Variants in DMWD observed in about 807,000 individuals in gnomAD.
The protein encoded by DMWD is DM1 locus, WD repeat containing, also known as dystrophia myotonica WD repeat-containing protein.
In DMWD, 19 loss-of-function variants were observed where a neutral mutation model predicts 45.8. The ratio of observed to expected loss-of-function variants is 0.41; its 90% CI spans 0.29 to 0.61. DMWD has a LOEUF of 0.61. DMWD is among the 20% of genes least tolerant of loss of function. The probability of loss-of-function intolerance (pLI) is 0.25; values close to 1 mark genes in which losing one functional copy is unlikely to be tolerated. For missense variants in DMWD, 802 were observed against 965.2 expected (o/e 0.83, Z 2.24); for synonymous variants, 515 against 440.5 (o/e 1.17, Z -2.12).
At chr19:45,790,727 G>A in intron 2 of DMWD, 178 bp downstream of exon 2, 1 of 600,962 alleles carries the variant, frequency 1.7e-6, no homozygotes. Flanking sequence ...GGGTAACACA[G>A]CACAGGGCCT....
In DMWD at chr19:45,783,966, A is replaced by G. The variant is rs754214374; in HGVS notation, c.*277T>C. ...TCTCTCCCCAGGAGTGACCAGTCAC[A>G]TGCTGGGGACAGGGATGAGGGTAAC... On this transcript the variant is annotated 3_prime_UTR_variant, in exon 5 of 5. Transcript: ENST00000270223. 1.7e-6 allele frequency: 1 copy of G among 601,402 alleles called. No homozygotes were observed. Among genetic ancestry groups the G allele is most frequent in the South Asian group, 2.0e-5 (1 of 50,710 alleles). 37.3% of individuals were successfully genotyped at this position (601,402 alleles called of 1,614,324 possible).
In DMWD at chr19:45,786,271, C is replaced by T; in HGVS notation, c.1225G>A (p.Gly409Ser). 6.2e-7 allele frequency: 1 copy of T among 1,605,878 alleles called. No individual in the cohort carries two copies. The highest frequency in any genetic ancestry group is 2.2e-5 in the East Asian group (1 of 44,658). The change falls in exon 3 of 5, where the codon GGC (glycine) becomes AGC (serine). Residue 409 changes from glycine to serine, a missense_variant. Coordinates refer to ENST00000270223, the MANE Select transcript of DMWD (RefSeq NM_004943.2). ...GGGGCGCCCCCGGCCGAGCCTGTGC[C>T]CGCAGCCTCGGGCTCCTCCTCCTCC... ...EEEEEEPEAA[G>S]TGSAGGAPLS...
At position 45,782,979 on chromosome 19, in the gene DMWD, C is replaced by T. The variant is rs1418685833; in HGVS notation, c.*1264G>A. On this transcript the variant is annotated 3_prime_UTR_variant, in exon 5 of 5. Coordinates refer to ENST00000270223, the MANE Select transcript of DMWD (RefSeq NM_004943.2). ...TAGCCCTCAGGCTCTCTGCTTTATA[C>T]CAGCTTTTTTTTTTTTTTTTTTTTT... The T allele has an allele frequency of 4.3e-5, 6 of 141,158 alleles. No homozygotes were observed. The South Asian group carries it at 6.8e-4, about 16-fold the overall frequency. The allele number at this position is 141,158 out of a possible 1,614,324, so 8.7% of individuals were successfully genotyped here.
chr19:45,786,200 G>A lies in DMWD; in HGVS notation c.1296C>T (p.Gly432=), dbSNP rs1315360748. 3 of 1,610,988 alleles carry A rather than the reference G, an allele frequency of 1.9e-6. No homozygotes were observed. The highest frequency in any genetic ancestry group is 2.5e-6 in the Non-Finnish European group (3 of 1,178,966). The change falls in exon 3 of 5, where the codon GGC becomes GGT. Residue 432 remains glycine, a synonymous_variant. Coordinates refer to ENST00000270223, the MANE Select transcript of DMWD (RefSeq NM_004943.2). ...PKAGSITYRF[G]SAGQDTQFCL... ...AGAACTGCGTGTCCTGGCCCGCCGA[G>A]CCAAAGCGGTAAGTAATGGAGCCAG...
intron 2 of DMWD, 179 bp downstream of exon 2, chr19:45,790,726 A>G (rs1970345972): frequency 1.7e-6 from 1 of 588,410 alleles, no homozygotes; most frequent in Admixed American, 3.4e-5. Flanking sequence ...AGGGTAACAC[A>G]GCACAGGGCC....
At chr19:45,784,568 G>T in intron 4 of DMWD, 73 bp downstream of exon 4, 2 of 1,610,472 alleles carry the variant, frequency 1.2e-6, no homozygotes, top group Non-Finnish European at 1.7e-6. Context: ...GGAGGGGAGG[G>T]GGAAACTGGA....
Position 45,792,729 on chromosome 19 carries a change from A to G in DMWD, c.28T>C (p.Ser10Pro), listed in dbSNP as rs1406364176. MAAGGAEGG[S>P]GPGAAMGDCA... ...TCCCCCATGGCGGCGCCGGGGCCCG[A>G]GCCGCCCTCCGCGCCGCCCGCCGCC... The change falls in exon 1 of 5, where the codon TCG (serine) becomes CCG (proline). Residue 10 changes from serine to proline, a missense_variant. Around this residue, in one of 9 missense-constraint regions of DMWD, gnomAD observed 151 missense variants for 128.1 expected, o/e 1.18. Transcript: ENST00000270223. 6 of 1,170,004 alleles carry G rather than the reference A, an allele frequency of 5.1e-6. No homozygotes were observed. The highest frequency in any genetic ancestry group is 1.6e-5 in the African/African-American group (1 of 61,484). The allele number at this position is 1,170,004 out of a possible 1,614,324, so 72.5% of individuals were successfully genotyped here.
In DMWD at chr19:45,786,345, T is replaced by C; in HGVS notation, c.1151A>G (p.Glu384Gly). 1.9e-6 allele frequency: 3 copies of C among 1,609,622 alleles called. No homozygotes were observed. The highest frequency in any genetic ancestry group is 2.5e-6 in the Non-Finnish European group (3 of 1,177,102). The stretch of plus-strand genomic sequence containing the variant: ...AGCACCGGCTGCTGTCGCCGCCTCC[T>C]CTGCCCTTGTGGTGTAGGGGTCAAA... ...VAFDPYTTRA[E>G]EAATAAGADG... is the part of the protein sequence containing the mutation. Residue 384 changes from glutamate to glycine, a missense_variant, in exon 3 of 5, where the codon GAG becomes GGG. Glu to Gly is a moderately conservative substitution (Grantham distance 98, BLOSUM62 -2). Transcript: ENST00000270223.
chr19:45,784,335 T>G (rs373114113), intron 4 of DMWD, 45 bp from the exon 5 acceptor site: 1 of 1,492,396 alleles, frequency 6.7e-7, no homozygotes, highest in South Asian at 1.4e-5. Context: ...AGAGACCACC[T>G]GGGCTTCAGC....
chr19:45,783,331 C>A lies in DMWD; in HGVS notation c.*912G>T. On this transcript the variant is annotated 3_prime_UTR_variant, in exon 5 of 5. Coordinates refer to ENST00000270223, the MANE Select transcript of DMWD (RefSeq NM_004943.2). ...TCTCCAGAGTGGAAGTCGGGGCCTC[C>A]AACCGGCCTGGGGTGCCTGGGCCTT... is the stretch of plus-strand genomic sequence containing the variant. The A allele has an allele frequency of 2.7e-6, 1 of 376,780 alleles. No homozygotes were observed. Among genetic ancestry groups the A allele is most frequent in the Non-Finnish European group, 4.7e-6 (1 of 212,676 alleles). The allele number at this position is 376,780 out of a possible 1,614,324, so 23.3% of individuals were successfully genotyped here.
chr19:45,784,448 C>T, intron 4 of DMWD, 158 bp from the exon 5 acceptor site: 2 of 1,263,316 alleles, frequency 1.6e-6, no homozygotes, highest in South Asian at 1.5e-5. Flanking sequence ...CTGCTCTAGG[C>T]TGGGAACTTG....
At chr19:45,789,132 C>G (rs1377154118) in intron 2 of DMWD, 2 of 152,194 alleles carry the variant, frequency 1.3e-5, no homozygotes, top group African/African-American at 2.4e-5. Flanking sequence ...ACTTGATTAA[C>G]TGTCTGTCTC....
Position 45,785,836 on chromosome 19 carries a change from T to C in DMWD, c.1660A>G (p.Ser554Gly). 6.2e-7 allele frequency: 1 copy of C among 1,610,838 alleles called. No individual in the cohort carries two copies. The highest frequency in any genetic ancestry group is 2.2e-5 in the East Asian group (1 of 44,874). Residue 554 changes from serine to glycine, a missense_variant, in exon 3 of 5, where the codon AGT becomes GGT. Around this residue, in one of 9 missense-constraint regions of DMWD, gnomAD observed 303 missense variants for 332.9 expected, o/e 0.91. Transcript: ENST00000270223. ...TCCCCACCACTGCCACTGCCGCCACTGCCACCCCGGCTGATGTTGCCCAGG... is the reference window on the plus strand; with the variant it reads ...TCCCCACCACTGCCACTGCCGCCACCGCCACCCCGGCTGATGTTGCCCAGG... ...HSLGNISRGG[S>G]GGSGSGGEKP...
In DMWD at chr19:45,784,556, TG is replaced by T. The variant is rs1316646811; in HGVS notation, c.1977+84del. 5 of 821,018 alleles carry T rather than the reference TG, an allele frequency of 6.1e-6. No individual in the cohort carries two copies. The African/African-American group carries it at 6.2e-5, about 10-fold the overall frequency. 50.9% of individuals were successfully genotyped at this position (821,018 alleles called of 1,614,324 possible). ...TGAGACCATGGGGTAAGGGTAAGGG[TG>T]GGAGGGGAGGGGGAAACTGGAGCTC... is the stretch of plus-strand genomic sequence containing the variant. On this transcript the variant is annotated intron_variant, in intron 4 of 4. Transcript: ENST00000270223.
intron 2 of DMWD, chr19:45,789,629 A>G (rs1241641434): frequency 1.3e-5 from 2 of 152,270 alleles, no homozygotes; most frequent in Admixed American, 6.5e-5. Flanking sequence ...GAACTCAAAG[A>G]GCAAGGGCAT....
chr19:45,784,390 G>GCCA, intron 4 of DMWD, 100 bp from the exon 5 acceptor site: 1 of 1,342,312 alleles, frequency 7.4e-7, no homozygotes, highest in Non-Finnish European at 1.0e-6. Flanking sequence ...CAAAGCTGCT[G>GCCA]CCACCCTGGC....
In DMWD at chr19:45,787,842, C is replaced by T. The variant is rs543477522; in HGVS notation, c.625-971G>A. On this transcript the variant is annotated intron_variant, in intron 2 of 4. Coordinates refer to ENST00000270223, the MANE Select transcript of DMWD (RefSeq NM_004943.2). ...CAGCACTTTGGGAGGCTGAGGCAGG[C>T]GGATCACAAAGTCAGGAGTTCCAGA... is the stretch of plus-strand genomic sequence containing the variant. Among the ~76,000 whole-genome samples, 9 of 152,118 alleles carry T rather than the reference C, an allele frequency of 5.9e-5. No homozygotes were observed. In the East Asian group the frequency reaches 7.7e-4, roughly 13 times the overall value.
intron 1 of DMWD, among the ~76,000 whole-genome samples, chr19:45,791,797 C>T (rs897321736): frequency 2.0e-5 from 3 of 152,022 alleles, no homozygotes; most frequent in African/African-American, 7.3e-5. Context: ...ACCCTCATGA[C>T]TTCCAGACCC....
rs1014693926 is a variant in DMWD, at chr19:45,792,701, C to T, written c.56G>A (p.Cys19Tyr). The T allele has an allele frequency of 9.5e-6, 12 of 1,264,210 alleles. No individual in the cohort carries two copies. The highest frequency in any genetic ancestry group is 1.2e-5 in the Non-Finnish European group (12 of 988,056). 78.3% of individuals were successfully genotyped at this position (1,264,210 alleles called of 1,614,324 possible). A position where few individuals can be genotyped will look rare whatever the true frequency, so the allele number is the denominator to read the frequency against. ...GCGGAATTGCGACTTAATCTCCGCG[C>T]AGTCCCCCATGGCGGCGCCGGGGCC... is the stretch of plus-strand genomic sequence containing the variant. ...GSGPGAAMGD[C>Y]AEIKSQFRTR... Residue 19 changes from cysteine (C) to tyrosine (Y), a missense_variant, in exon 1 of 5, where the codon TGC becomes TAC. Cys to Tyr is a radical substitution (Grantham distance 194). Around this residue, in one of 9 missense-constraint regions of DMWD, gnomAD observed 151 missense variants for 128.1 expected, o/e 1.18. Coordinates refer to ENST00000270223, the MANE Select transcript of DMWD (RefSeq NM_004943.2).
Sources: allele counts gnomAD v4.1 joint callset (sites outside exome capture counted in the v4.1 genomes callset), GRCh38; gene constraint gnomAD v4.1.1; regional missense constraint gnomAD v4.1.1; transcripts MANE v1.5; gene names NCBI Gene and HGNC (gene_info 2026-07-23, HGNC 2026-07-21).